The following ZC3H12B variants were observed in gnomAD, a reference collection of about 807,000 sequenced individuals.
ZC3H12B encodes zinc finger CCCH-type containing 12B.
ZC3H12B carries 7 observed loss-of-function variants against 43.9 expected under a neutral mutation model. The observed-to-expected ratio is 0.16, with a 90% CI of 0.09 to 0.30. ZC3H12B has a LOEUF of 0.30. ZC3H12B is among the 10% of genes least tolerant of loss of function. The probability of loss-of-function intolerance (pLI) is 1.00; values close to 1 mark genes in which losing one functional copy is unlikely to be tolerated. For synonymous variants in ZC3H12B, 222 were observed against 241.7 expected (o/e 0.92, Z 0.76); for missense variants, 475 against 670.2 (o/e 0.71, Z 3.22).
At chrX:65,149,278 CT>C in the ZC3H12B span, among the ~76,000 whole-genome samples, 1 of 112,007 alleles carries the variant, frequency 8.9e-6, no homozygotes, top group Non-Finnish European at 1.9e-5. Flanking sequence ...ACCAGCTGGG[CT>C]GCATCCTCAC....
chrX:65,192,730 G>T, the ZC3H12B span, among the ~76,000 whole-genome samples: 1 of 110,244 alleles, frequency 9.1e-6, no homozygotes, highest in African/African-American at 3.3e-5. Flanking sequence ...TTTTTATGTT[G>T]TTTAATTTGT....
chrX:65,378,770 C>A (rs1243430993), intron 2 of ZC3H12B, among the ~76,000 whole-genome samples: 3 of 112,632 alleles, frequency 2.7e-5, no homozygotes, highest in African/African-American at 9.7e-5. Flanking sequence ...CCTGCCAAAG[C>A]AGGGTGAGGC....
upstream of ZC3H12B, among the ~76,000 whole-genome samples, chrX:65,366,418 G>A (rs1408234623): frequency 3.6e-5 from 4 of 111,998 alleles, no homozygotes; most frequent in Non-Finnish European, 7.5e-5. Flanking sequence ...ATATGTATTT[G>A]TTCTTTGTCA....
intron 3 of ZC3H12B, among the ~76,000 whole-genome samples, chrX:65,482,749 T>C (rs1438347524): frequency 1.8e-5 from 2 of 111,912 alleles, no homozygotes; most frequent in Non-Finnish European, 3.8e-5. Flanking sequence ...GTTTTAGATA[T>C]CCTGGAGACA....
the ZC3H12B span, among the ~76,000 whole-genome samples, chrX:65,152,627 A>G: frequency 9.0e-6 from 1 of 111,709 alleles, no homozygotes; most frequent in Admixed American, 9.5e-5. Flanking sequence ...CATGGGTAGG[A>G]AGAATCAATA....
At chrX:65,379,980 A>AT in intron 2 of ZC3H12B, among the ~76,000 whole-genome samples, 2 of 112,453 alleles carry the variant, frequency 1.8e-5, no homozygotes, top group Middle Eastern at 9.2e-3. Context: ...TCTACGTCTG[A>AT]TTGGTGTACC....
At chrX:65,432,570 C>A (rs1486967959) in intron 3 of ZC3H12B, among the ~76,000 whole-genome samples, 1 of 111,735 alleles carries the variant, frequency 8.9e-6, no homozygotes, top group Non-Finnish European at 1.9e-5. Flanking sequence ...CTGGGCCCCA[C>A]TCAGAACTAG....
At chrX:65,206,583 C>T in the ZC3H12B span, among the ~76,000 whole-genome samples, 1 of 111,531 alleles carries the variant, frequency 9.0e-6, no homozygotes, top group Non-Finnish European at 1.9e-5. Context: ...CAGAAAAATC[C>T]TTCTGGACAT....
At chrX:65,346,149 C>T in the ZC3H12B span, among the ~76,000 whole-genome samples, 1 of 110,036 alleles carries the variant, frequency 9.1e-6, no homozygotes, top group African/African-American at 3.3e-5. Context: ...CAAAGAAACA[C>T]CCAAATGGCC....
In ZC3H12B at chrX:65,370,103, G is replaced by A. The variant is rs184509084; in HGVS notation, n.295+1105G>A. ...TCTATATTGAAAAAGAAAAAGAAGA[G>A]GAAGAAAAAAAGTATTCATATAGTT... On this transcript the variant is annotated intron_variant and non_coding_transcript_variant, in intron 2 of 5. Transcript: ENST00000617377. 6.3e-5 allele frequency among the ~76,000 whole-genome samples: 7 copies of A among 111,561 alleles called. No individual in the cohort carries two copies. In the East Asian group the frequency reaches 1.1e-3, roughly 18 times the overall value.
the ZC3H12B span, among the ~76,000 whole-genome samples, chrX:65,156,013 A>G: frequency 9.0e-6 from 1 of 111,302 alleles, no homozygotes; most frequent in African/African-American, 3.3e-5. Flanking sequence ...TTTAAAAATT[A>G]TTGAATAATT....
Position 65,405,665 on chromosome X carries a change from A to G in ZC3H12B, n.407+6961A>G, listed in dbSNP as rs183288663. Among the ~76,000 whole-genome samples the G allele has an allele frequency of 1.1e-3, 125 of 111,856 alleles. 1 individual carries two copies. Among genetic ancestry groups the G allele is most frequent in the African/African-American group, 3.8e-3 (117 of 30,819 alleles). ...AATAAAGATTAAAACAAATAAATGA[A>G]TTTAAAATGAGGAAAATAATACAAA... On this transcript the variant is annotated intron_variant and non_coding_transcript_variant, in intron 3 of 5. Transcript: ENST00000617377.
chrX:65,384,365 G>C (rs992467349), intron 2 of ZC3H12B, among the ~76,000 whole-genome samples: 6 of 110,923 alleles, frequency 5.4e-5, no homozygotes, highest in Non-Finnish European at 1.1e-4. Flanking sequence ...TCCGGGGACT[G>C]TTGTGGGGTG....
chrX:65,157,140 C>T, the ZC3H12B span, among the ~76,000 whole-genome samples: 25 of 110,688 alleles, frequency 2.3e-4, no homozygotes, highest in African/African-American at 7.6e-4. Flanking sequence ...TCCAACACAC[C>T]TGGCTGATTT....
At chrX:65,228,715 C>T in the ZC3H12B span, among the ~76,000 whole-genome samples, 2 of 111,985 alleles carry the variant, frequency 1.8e-5, no homozygotes, top group Middle Eastern at 4.2e-3. Context: ...GTACAAAAAT[C>T]ACAAGCATTC....
At chrX:65,394,324 T>C (rs2066666823) in intron 2 of ZC3H12B, among the ~76,000 whole-genome samples, 1 of 112,742 alleles carries the variant, frequency 8.9e-6, no homozygotes, top group Non-Finnish European at 1.9e-5. Flanking sequence ...CTAAGGTTTT[T>C]ATGGTTTTAG....
At chrX:65,354,656 A>G in the ZC3H12B span, among the ~76,000 whole-genome samples, 1 of 111,674 alleles carries the variant, frequency 9.0e-6, no homozygotes, top group Admixed American at 9.5e-5. Context: ...GGTAATAACA[A>G]ACTCCTCTGA....
the ZC3H12B span, among the ~76,000 whole-genome samples, chrX:65,219,588 A>T: frequency 6.3e-5 from 7 of 111,703 alleles, no homozygotes; most frequent in Non-Finnish European, 9.4e-5. Flanking sequence ...TTTTGAATTA[A>T]CCCAGTCCAA....
chrX:65,361,967 C>T (rs768817849), upstream of ZC3H12B, among the ~76,000 whole-genome samples: 2 of 112,481 alleles, frequency 1.8e-5, no homozygotes, highest in Admixed American at 1.9e-4. Flanking sequence ...TCCTCCAGGA[C>T]TGCCTACCCT....
Sources: gnomAD v4.1 joint callset for allele counts (sites outside exome capture counted in the v4.1 genomes callset) on GRCh38, gnomAD v4.1.1 for gene constraint, MANE v1.5 for transcripts, NCBI Gene and HGNC (gene_info 2026-07-23, HGNC 2026-07-21) for gene names.